The following KMT2C variants were observed in gnomAD, a reference collection of about 807,000 sequenced individuals.
KMT2C encodes lysine methyltransferase 2C.
In KMT2C, 88 loss-of-function variants were observed where a neutral mutation model predicts 507.9. The observed-to-expected ratio is 0.17, with a 90% confidence interval of 0.15 to 0.21. KMT2C has a LOEUF of 0.21. Ranked by LOEUF, KMT2C falls within the 10% of genes least tolerant of loss-of-function variation. KMT2C has a pLI of 1.00. For missense variants in KMT2C, 4,954 were observed against 5,957.8 expected, an observed-to-expected ratio of 0.83 and a Z score of 5.55; for synonymous variants, 2,049 against 2,080.8, an observed-to-expected ratio of 0.98 and a Z score of 0.42.
intron 2 of KMT2C, among the ~76,000 whole-genome samples, chr7:152,347,646 C>T (rs2097072431): frequency 6.6e-6 from 1 of 152,158 alleles, no homozygotes; most frequent in Admixed American, 6.5e-5. Context: ...TTACATTTCT[C>T]TCAATTGCCA....
intron 1 of KMT2C, among the ~76,000 whole-genome samples, chr7:152,427,023 GTTTT>G (rs2097825858): frequency 6.7e-6 from 1 of 149,502 alleles, no homozygotes. Flanking sequence ...GTTTTGTTTT[GTTTT>G]GTTTTTGAGA....
intron 35 of KMT2C, among the ~76,000 whole-genome samples, 159 bp downstream of exon 35, chr7:152,182,815 C>A (rs2093477514): frequency 6.6e-6 from 1 of 152,032 alleles, no homozygotes; most frequent in South Asian, 2.1e-4. Context: ...ATAAATTTCT[C>A]AAATCAATTT....
At chr7:152,413,123 A>G (rs1268454479) in intron 1 of KMT2C, among the ~76,000 whole-genome samples, 2 of 152,090 alleles carry the variant, frequency 1.3e-5, no homozygotes, top group African/African-American at 4.8e-5. Flanking sequence ...CATTATAACA[A>G]TTTCTTTTTT....
chr7:152,342,093 CT>C (rs2097000355), intron 2 of KMT2C, among the ~76,000 whole-genome samples: 1 of 152,140 alleles, frequency 6.6e-6, no homozygotes, highest in Non-Finnish European at 1.5e-5. Flanking sequence ...CAAAAGACCC[CT>C]ATCTTGTCTA....
chr7:152,232,847 T>C (rs2095162054), intron 16 of KMT2C, among the ~76,000 whole-genome samples: 2 of 152,128 alleles, frequency 1.3e-5, no homozygotes, highest in Non-Finnish European at 1.5e-5. Context: ...GACAAGACTA[T>C]TGAGATATAT....
intron 14 of KMT2C, among the ~76,000 whole-genome samples, chr7:152,241,710 T>C (rs1372148810): frequency 3.3e-5 from 5 of 152,242 alleles, no homozygotes; most frequent in Admixed American, 1.3e-4. Context: ...TCCATTGGTT[T>C]TTCTCTGAGA....
intron 31 of KMT2C, among the ~76,000 whole-genome samples, chr7:152,190,153 T>TG (rs1442647986): frequency 6.6e-6 from 1 of 152,110 alleles, no homozygotes; most frequent in African/African-American, 2.4e-5. Flanking sequence ...TGTGAAAAAA[T>TG]GGTCTTCCTT....
chr7:152,418,297 A>T (rs950581189), intron 1 of KMT2C, among the ~76,000 whole-genome samples: 3 of 152,200 alleles, frequency 2.0e-5, no homozygotes, highest in African/African-American at 7.2e-5. Flanking sequence ...TATAAAAATA[A>T]CCAAAATATG....
intron 7 of KMT2C, among the ~76,000 whole-genome samples, chr7:152,270,043 A>G (rs2095932843): frequency 1.3e-5 from 2 of 152,254 alleles, no homozygotes; most frequent in Admixed American, 6.5e-5. Flanking sequence ...GCTGTCATAC[A>G]GTGTGAATTT....
At chr7:152,274,224 A>C (rs2096034159) in intron 6 of KMT2C, among the ~76,000 whole-genome samples, 1 of 152,180 alleles carries the variant, frequency 6.6e-6, no homozygotes, top group Admixed American at 6.5e-5. Flanking sequence ...TAAAGTTTTT[A>C]AATCCCACCA....
In KMT2C at chr7:152,248,567, C is replaced by T. The variant is rs1332010739; in HGVS notation, c.1867G>A (p.Val623Ile). The change falls in exon 14 of 59, where the codon GTT (valine) becomes ATT (isoleucine). Residue 623 changes from valine to isoleucine, a missense_variant. Physicochemically the swap from Val to Ile is conservative, Grantham distance 29. Around this residue, in one of 29 missense-constraint regions of KMT2C, gnomAD observed 376 missense variants for 352.4 expected, o/e 1.07. Coordinates refer to ENST00000262189, the MANE Select transcript of KMT2C (RefSeq NM_170606.3). ...GACATTTTCAGGTCTTCACTATCAA[C>T]TTCATTAGAAATCTGTTTTTCCAAT... is the stretch of plus-strand genomic sequence containing the variant. ...TELEKQISNE[V>I]DSEDLKMSSE... is the part of the protein sequence containing the mutation. 1 of 1,613,742 alleles carries T rather than the reference C, an allele frequency of 6.2e-7. No individual in the cohort carries two copies. The highest frequency in any genetic ancestry group is 8.5e-7 in the Non-Finnish European group (1 of 1,179,762).
intron 1 of KMT2C, among the ~76,000 whole-genome samples, chr7:152,431,064 C>T (rs1188343546): frequency 6.6e-6 from 1 of 152,018 alleles, no homozygotes; most frequent in Non-Finnish European, 1.5e-5. Flanking sequence ...ACAATTCTGG[C>T]ATTATGGAAT....
chr7:152,295,381 C>T (rs2096481491), intron 6 of KMT2C, among the ~76,000 whole-genome samples: 2 of 152,142 alleles, frequency 1.3e-5, no homozygotes, highest in African/African-American at 2.4e-5. Flanking sequence ...GTATTCTCTA[C>T]CCTACTTATT....
intron 1 of KMT2C, among the ~76,000 whole-genome samples, chr7:152,401,213 A>G (rs1360402878): frequency 6.6e-6 from 1 of 151,952 alleles, no homozygotes; most frequent in Non-Finnish European, 1.5e-5. Flanking sequence ...CAGCCTCCCA[A>G]GTAGCCGGGA....
rs1243402723 is a variant in KMT2C at position 152,248,317 on chromosome 7, C to T, written c.2117G>A (p.Ser706Asn). 6.2e-7 allele frequency: 1 copy of T among 1,613,824 alleles called. No homozygotes were observed. The highest frequency in any genetic ancestry group is 1.1e-5 in the South Asian group (1 of 91,066). The change falls in exon 14 of 59, where the codon AGT becomes AAT. Residue 706 changes from serine to asparagine, a missense_variant. Transcript: ENST00000262189. ...LETLVSPHEESISLCPEEQLV... is the reference protein window; with the variant it reads ...LETLVSPHEENISLCPEEQLV... ...CTGTTCCTCAGGACATAATGAAATACTTTCCTCATGTGGGGACACTAAGGT... is the reference window on the plus strand; with the variant it reads ...CTGTTCCTCAGGACATAATGAAATATTTTCCTCATGTGGGGACACTAAGGT...
At chr7:152,327,914 C>T (rs1339275205) in intron 3 of KMT2C, among the ~76,000 whole-genome samples, 5 of 146,958 alleles carry the variant, frequency 3.4e-5, no homozygotes, top group African/African-American at 1.0e-4. Context: ...GCCAAGATCG[C>T]GCCACTGCAT....
chr7:152,274,015 T>C (rs903828234), intron 6 of KMT2C, 148 bp from the exon 7 acceptor site: 2 of 704,986 alleles, frequency 2.8e-6, no homozygotes, highest in Non-Finnish European at 4.0e-6. Flanking sequence ...TCGTTAAAAA[T>C]AATAAAATCT....
chr7:152,157,979 G>A, intron 44 of KMT2C: 1 of 1,215,644 alleles, frequency 8.2e-7, no homozygotes, highest in Non-Finnish European at 1.1e-6. Context: ...ACTCAGTGTA[G>A]CTCAACTTTC....
intron 1 of KMT2C, chr7:152,366,812 C>T (rs552976119): frequency 3.1e-5 from 7 of 227,440 alleles, no homozygotes; most frequent in African/African-American, 9.4e-5. Context: ...GGCTTCGGCC[C>T]GGCCGCCGCC....
Sources: allele counts gnomAD v4.1 joint callset (sites outside exome capture counted in the v4.1 genomes callset), GRCh38; gene constraint gnomAD v4.1.1; regional missense constraint gnomAD v4.1.1; transcripts MANE v1.5; gene names NCBI Gene and HGNC (gene_info 2026-07-23, HGNC 2026-07-21).